FAM47E: variants seen among roughly 807,000 people sequenced by gnomAD.
FAM47E encodes protein FAM47E.
Under a neutral mutation model 41.6 loss-of-function variants are expected in FAM47E, and 32 were observed. The ratio of observed to expected loss-of-function variants is 0.77; its 90% CI spans 0.58 to 1.03. The LOEUF is 1.03. Among genes scored for constraint, FAM47E ranks in the 50% least tolerant of loss-of-function variants. FAM47E has a pLI of 0.00. For synonymous variants in FAM47E, 184 were observed against 188.7 expected, an observed-to-expected ratio of 0.98 and a Z score of 0.20; for missense variants, 424 against 485.4, an observed-to-expected ratio of 0.87 and a Z score of 1.19.
chr4:76,247,697 T>C (rs1733856846), upstream of FAM47E, among the ~76,000 whole-genome samples: 1 of 152,166 alleles, frequency 6.6e-6, no homozygotes, highest in Admixed American at 6.5e-5. Context: ...TAATGACTAA[T>C]GATGTTGAAC....
intron 2 of FAM47E, among the ~76,000 whole-genome samples, chr4:76,231,272 C>T (rs1177919291): frequency 6.6e-6 from 1 of 152,214 alleles, no homozygotes; most frequent in Non-Finnish European, 1.5e-5. Flanking sequence ...GCATCCTATT[C>T]ATTCCCATCA....
intron 2 of FAM47E, among the ~76,000 whole-genome samples, chr4:76,239,883 T>A (rs1733670668): frequency 6.6e-6 from 1 of 152,192 alleles, no homozygotes; most frequent in Admixed American, 6.5e-5. Flanking sequence ...AGGTTATGGA[T>A]CTAGTCTGCA....
intron 2 of FAM47E, among the ~76,000 whole-genome samples, chr4:76,229,414 C>A (rs114017776): frequency 6.6e-6 from 1 of 152,122 alleles, no homozygotes; most frequent in Non-Finnish European, 1.5e-5. Context: ...TGTTATAGAA[C>A]CTTGTTTTGT....
intron 5 of FAM47E, among the ~76,000 whole-genome samples, chr4:76,276,969 T>C (rs1317256321): frequency 6.6e-6 from 1 of 152,174 alleles, no homozygotes; most frequent in Admixed American, 6.5e-5. Flanking sequence ...ATAGTTTAAA[T>C]GTGCATGAGA....
At chr4:76,248,966 A>G (rs1578767992), upstream of FAM47E, among the ~76,000 whole-genome samples, 1 of 152,194 alleles carries the variant, frequency 6.6e-6, no homozygotes, top group Non-Finnish European at 1.5e-5. Flanking sequence ...AAATATATAA[A>G]ATAGTATTTT....
chr4:76,261,809 C>T (rs1734430264), intron 2 of FAM47E, among the ~76,000 whole-genome samples: 1 of 151,936 alleles, frequency 6.6e-6, no homozygotes. Context: ...CACATGTACC[C>T]CCGAATCTAC....
At position 76,256,507 on chromosome 4, in the gene FAM47E, A is replaced by C. The variant is rs1219968567; in HGVS notation, c.404A>C (p.Glu135Ala). The change falls in exon 2 of 8, where the codon GAA becomes GCA. Residue 135 changes from glutamate to alanine, a missense_variant. Coordinates refer to ENST00000424749, the MANE Select transcript of FAM47E (RefSeq NM_001136570.3). The part of the protein sequence containing the change: ...HPLALYLNLE[E>A]AMPIELLSKV... ...TTAGCGCTCTACCTGAATCTGGAAG[A>C]AGCTATGCCCATAGAGGTGATGTGT... The C allele has an allele frequency of 6.5e-7, 1 of 1,550,208 alleles. No homozygotes were observed. The highest frequency in any genetic ancestry group is 8.7e-7 in the Non-Finnish European group (1 of 1,145,896).
upstream of FAM47E, among the ~76,000 whole-genome samples, chr4:76,248,239 T>G (rs969230800): frequency 7.9e-5 from 12 of 152,056 alleles, no homozygotes; most frequent in Non-Finnish European, 1.5e-4. Flanking sequence ...GATCATGTTT[T>G]TCGATATACA....
rs762772538 is a variant in FAM47E, at chr4:76,268,644, A to T, written c.561-16A>T. 5 of 1,547,712 alleles carry T rather than the reference A, an allele frequency of 3.2e-6. No individual in the cohort carries two copies. Among genetic ancestry groups the T allele is most frequent in the African/African-American group, 2.7e-5 (2 of 72,822 alleles). On this transcript the variant is annotated splice_polypyrimidine_tract_variant and intron_variant, in intron 3 of 7. Transcript: ENST00000424749. The stretch of plus-strand genomic sequence containing the variant: ...TTGTGTCTCATATTGTAATTCTTTA[A>T]TGATCTTATCTTTAGTTCCAAGAAG...
chr4:76,245,430 CT>C lies in FAM47E; in HGVS notation c.82-18273del, dbSNP rs146816234. Among the ~76,000 whole-genome samples the C allele has an allele frequency of 6.0e-3, 915 of 152,210 alleles. 18 individuals are homozygous for C. Among genetic ancestry groups the C allele is most frequent in the African/African-American group, 0.021 (871 of 41,506 alleles). On this transcript the variant is annotated intron_variant, in intron 2 of 7. Coordinates refer to the FAM47E transcript ENST00000510197. Reference sequence around the variant, plus strand: ...GTGACAAAAGCCGGAATCATAGCACCTGGTGGGAGCTCCAAGAGAAGGAAGA... The same window carrying C: ...GTGACAAAAGCCGGAATCATAGCACCGGTGGGAGCTCCAAGAGAAGGAAGA...
chr4:76,270,049 T>A (rs1343743154), intron 4 of FAM47E, among the ~76,000 whole-genome samples: 4 of 152,242 alleles, frequency 2.6e-5, no homozygotes, highest in African/African-American at 9.6e-5. Context: ...GGCAAGTGAC[T>A]TAAATATAAT....
intron 2 of FAM47E, among the ~76,000 whole-genome samples, chr4:76,238,191 C>T (rs906655160): frequency 3.3e-5 from 5 of 152,192 alleles, no homozygotes; most frequent in Admixed American, 2.0e-4. Flanking sequence ...CCTGCCAAGA[C>T]TCTAAATATT....
At chr4:76,276,355 C>CT (rs1560752583) in intron 5 of FAM47E, among the ~76,000 whole-genome samples, 1 of 97,844 alleles carries the variant, frequency 1.0e-5, no homozygotes, top group African/African-American at 3.4e-5. Context: ...GAGGGGGTTA[C>CT]TTTTTTTTGT....
chr4:76,214,260 G>C, exon 1 of FAM47E: 1 of 455,660 alleles, frequency 2.2e-6, no homozygotes, highest in Non-Finnish European at 4.4e-6. Context: ...CTTCTACCAG[G>C]TGCCTGCTGA....
At chr4:76,249,691 C>T (rs566406545), upstream of FAM47E, among the ~76,000 whole-genome samples, 14 of 152,022 alleles carry the variant, frequency 9.2e-5, no homozygotes, top group South Asian at 4.2e-4. Context: ...CTCTTGTCCC[C>T]GTCCTATCCT....
intron 2 of FAM47E, among the ~76,000 whole-genome samples, chr4:76,225,264 T>C (rs1285248358): frequency 6.6e-6 from 1 of 152,226 alleles, no homozygotes; most frequent in Non-Finnish European, 1.5e-5. Flanking sequence ...TGCAAGTGTC[T>C]TTTTCATATG....
intron 2 of FAM47E, among the ~76,000 whole-genome samples, chr4:76,221,716 G>A (rs563946709): frequency 2.8e-4 from 43 of 152,126 alleles, no homozygotes; most frequent in Non-Finnish European, 5.7e-4. Context: ...AAACACACAC[G>A]GACACAAAGA....
At chr4:76,220,554 G>T (rs1366295905) in intron 2 of FAM47E, among the ~76,000 whole-genome samples, 1 of 152,204 alleles carries the variant, frequency 6.6e-6, no homozygotes, top group Non-Finnish European at 1.5e-5. Context: ...TCGAGTCCAG[G>T]AGTTCAAGGC....
At chr4:76,253,010 A>C (rs1734038476) in intron 1 of FAM47E, among the ~76,000 whole-genome samples, 1 of 152,212 alleles carries the variant, frequency 6.6e-6, no homozygotes, top group African/African-American at 2.4e-5. Context: ...AGGAACTCTT[A>C]GTATTACCCC....
Sources: allele counts gnomAD v4.1 joint callset (sites outside exome capture counted in the v4.1 genomes callset), GRCh38; gene constraint gnomAD v4.1.1; transcripts MANE v1.5; gene names NCBI Gene and HGNC (gene_info 2026-07-23, HGNC 2026-07-21).